GLI2: variants seen among roughly 807,000 people sequenced by gnomAD.
GLI2 encodes transcription activator GLI2.
A neutral mutation model predicts 78.9 loss-of-function variants in GLI2; 22 were observed. The ratio of observed to expected loss-of-function variants is 0.28; its 90% confidence interval spans 0.20 to 0.40. The LOEUF is 0.40. Ranked by LOEUF, GLI2 falls within the 10% of genes least tolerant of loss-of-function variation. The probability of loss-of-function intolerance (pLI) is 1.00; values close to 1 mark genes in which losing one functional copy is unlikely to be tolerated. For missense variants in GLI2, 2,097 were observed against 2,213.2 expected, an observed-to-expected ratio of 0.95 and a Z score of 1.05; for synonymous variants, 974 against 963.7, an observed-to-expected ratio of 1.01 and a Z score of -0.20.
chr2:120,841,888 T>TGTGTGTGTGTGTGTGTGAGA (rs768879101), intron 2 of GLI2, among the ~76,000 whole-genome samples: 4 of 150,790 alleles, frequency 2.7e-5, no homozygotes, highest in Non-Finnish European at 5.9e-5. Context: ...TGTGTGTGTG[T>TGTGTGTGTGTGTGTGTGAGA]GATGCTGGGC....
intron 2 of GLI2, among the ~76,000 whole-genome samples, chr2:120,889,738 T>C (rs1021789341): frequency 5.3e-5 from 8 of 152,178 alleles, no homozygotes; most frequent in Non-Finnish European, 1.2e-4. Context: ...GTGTTCAACT[T>C]CACTAGCCAT....
At chr2:120,933,643 G>T (rs1478497593) in intron 3 of GLI2, among the ~76,000 whole-genome samples, 1 of 152,202 alleles carries the variant, frequency 6.6e-6, no homozygotes, top group Non-Finnish European at 1.5e-5. Flanking sequence ...GGGGAGCAAG[G>T]CTGAGGTGTG....
intron 2 of GLI2, among the ~76,000 whole-genome samples, chr2:120,870,231 A>C (rs770032373): frequency 6.6e-6 from 1 of 152,092 alleles, no homozygotes; most frequent in Non-Finnish European, 1.5e-5. Flanking sequence ...AGTGTTCATC[A>C]TGGGCTGAGG....
At chr2:120,935,449 C>T (rs1393368745) in intron 3 of GLI2, among the ~76,000 whole-genome samples, 2 of 152,184 alleles carry the variant, frequency 1.3e-5, no homozygotes, top group Non-Finnish European at 2.9e-5. Flanking sequence ...GTGATGTAAA[C>T]GGCCCTGAGA....
chr2:120,917,029 G>A (rs1679135961), intron 2 of GLI2, among the ~76,000 whole-genome samples: 1 of 152,130 alleles, frequency 6.6e-6, no homozygotes, highest in Non-Finnish European at 1.5e-5. Flanking sequence ...GCAGAGTCTT[G>A]CTCCATGGGA....
intron 2 of GLI2, among the ~76,000 whole-genome samples, chr2:120,805,662 A>G (rs1192469898): frequency 4.6e-5 from 7 of 152,130 alleles, no homozygotes; most frequent in African/African-American, 1.5e-4. Flanking sequence ...CCAATTCCGC[A>G]GGAACATTCC....
intron 2 of GLI2, among the ~76,000 whole-genome samples, chr2:120,868,152 C>T (rs1350918369): frequency 6.6e-6 from 1 of 152,226 alleles, no homozygotes; most frequent in Non-Finnish European, 1.5e-5. Context: ...TTCGCCACTT[C>T]AATTCCCCGC....
chr2:120,887,568 G>T (rs578070327), intron 2 of GLI2, among the ~76,000 whole-genome samples: 1 of 152,376 alleles, frequency 6.6e-6, no homozygotes, highest in South Asian at 2.1e-4. Flanking sequence ...AAAAGAGGCG[G>T]TGCACACACA....
chr2:120,881,839 G>GT (rs77495094), intron 2 of GLI2, among the ~76,000 whole-genome samples: 2 of 212 alleles, frequency 9.4e-3, no homozygotes, highest in Non-Finnish European at 0.024. Flanking sequence ...TAGAGGGCAA[G>GT]ACAGGTGGGA....
At chr2:120,790,102 A>T (rs1043282389) in intron 1 of GLI2, among the ~76,000 whole-genome samples, 1 of 152,250 alleles carries the variant, frequency 6.6e-6, no homozygotes, top group Non-Finnish European at 1.5e-5. Context: ...CATGGGAACC[A>T]TGGATCCCAG....
chr2:120,874,872 C>T (rs984760950), intron 2 of GLI2, among the ~76,000 whole-genome samples: 3 of 152,202 alleles, frequency 2.0e-5, no homozygotes, highest in African/African-American at 7.2e-5. Context: ...AGTTGAGTGT[C>T]TGCCCTGCAG....
At position 120,768,489 on chromosome 2, in the gene GLI2, G is replaced by A. The variant is rs933309780; in HGVS notation, c.-30-28802G>A. Among the ~76,000 whole-genome samples, 9 of 152,310 alleles carry A rather than the reference G, an allele frequency of 5.9e-5. No individual in the cohort carries two copies. In the South Asian group the frequency reaches 1.9e-3, roughly 32 times the overall value. ...AGACCACAAAACTTGCATCTGGCCC[G>A]CTGCTGGGAACAGAAGGGGCTCCGT... On this transcript the variant is annotated intron_variant, in intron 1 of 13. Coordinates refer to ENST00000361492, the MANE Select transcript of GLI2 (RefSeq NM_001374353.1).
intron 2 of GLI2, among the ~76,000 whole-genome samples, chr2:120,897,195 C>T (rs909791606): frequency 6.6e-6 from 1 of 152,228 alleles, no homozygotes; most frequent in East Asian, 1.9e-4. Context: ...TCCGGGTCAG[C>T]CTCAGAAGTA....
At chr2:120,887,414 G>A (rs1215614274) in intron 2 of GLI2, among the ~76,000 whole-genome samples, 1 of 152,226 alleles carries the variant, frequency 6.6e-6, no homozygotes, top group Non-Finnish European at 1.5e-5. Flanking sequence ...TCCTTGCTGG[G>A]CTGCGTGTTG....
In GLI2 at chr2:120,986,342, C is replaced by A. The variant is rs773562626; in HGVS notation, c.1970C>A (p.Ala657Asp). The change falls in exon 13 of 14, where the codon GCC becomes GAC. Residue 657 changes from alanine to aspartate, a missense_variant. Around this residue, in one of 5 missense-constraint regions of GLI2, gnomAD observed 68 missense variants for 104.4 expected, o/e 0.65. Transcript: ENST00000361492. ...CSSEPSPLGS[A>D]PNNDSGVEMP... is the part of the protein sequence containing the mutation. ...AGCGAGCCCTCTCCTCTGGGCAGTG[C>A]CCCCAACAATGACAGTGGCGTGGAG... is the stretch of plus-strand genomic sequence containing the variant. The A allele has an allele frequency of 2.5e-6, 4 of 1,613,522 alleles. No homozygotes were observed. Among genetic ancestry groups the A allele is most frequent in the Non-Finnish European group, 3.4e-6 (4 of 1,180,022 alleles).
At chr2:120,915,388 C>G (rs1452841655) in intron 2 of GLI2, among the ~76,000 whole-genome samples, 1 of 152,124 alleles carries the variant, frequency 6.6e-6, no homozygotes, top group African/African-American at 2.4e-5. Context: ...CGTTTTTCCC[C>G]CAAGTGAGAC....
At chr2:120,916,878 G>T (rs1374865023) in intron 2 of GLI2, among the ~76,000 whole-genome samples, 1 of 152,234 alleles carries the variant, frequency 6.6e-6, no homozygotes, top group Non-Finnish European at 1.5e-5. Context: ...CGTATCCCTA[G>T]ATCAGACCTG....
At chr2:120,982,654 G>A in intron 10 of GLI2, 62 bp from the exon 11 acceptor site, 3 of 1,453,670 alleles carry the variant, frequency 2.1e-6, no homozygotes, top group Non-Finnish European at 2.9e-6. Flanking sequence ...GGAGGAAGCA[G>A]CAGCCGGCCT....
intron 1 of GLI2, among the ~76,000 whole-genome samples, chr2:120,780,247 T>A (rs987646737): frequency 6.6e-6 from 1 of 152,140 alleles, no homozygotes; most frequent in Non-Finnish European, 1.5e-5. Context: ...TCCTTTTGAA[T>A]CCAGATGAGC....
Sources: allele counts gnomAD v4.1 joint callset (sites outside exome capture counted in the v4.1 genomes callset), GRCh38; gene constraint gnomAD v4.1.1; regional missense constraint gnomAD v4.1.1; transcripts MANE v1.5; gene names NCBI Gene and HGNC (gene_info 2026-07-23, HGNC 2026-07-21).